STAT2: variants seen among roughly 807,000 people sequenced by gnomAD.
The protein encoded by STAT2 is interferon alpha induced transcriptional activator.
In STAT2, 51 loss-of-function variants were observed where a neutral mutation model predicts 122.3. The ratio of observed to expected loss-of-function variants is 0.42; its 90% CI spans 0.33 to 0.53. STAT2 has a LOEUF of 0.53. Ranked by LOEUF, STAT2 falls within the 20% of genes least tolerant of loss-of-function variation. The pLI, the probability that STAT2 is intolerant of heterozygous loss-of-function variation, is 0.10. For missense variants in STAT2, 736 were observed against 1,010.3 expected, an observed-to-expected ratio of 0.73 and a Z score of 3.68; for synonymous variants, 351 against 394.9, an observed-to-expected ratio of 0.89 and a Z score of 1.32.
intron 7 of STAT2, 67 bp downstream of exon 7, chr12:56,354,711 C>G: frequency 6.2e-7 from 1 of 1,612,976 alleles, no homozygotes; most frequent in East Asian, 2.2e-5. Context: ...GCTAGAGGAC[C>G]AGGGTCCCCA....
In STAT2 at chr12:56,360,086, C is replaced by T. The variant is rs2066813; in HGVS notation, c.-36G>A. 5,820 of 985,416 alleles carry T rather than the reference C, an allele frequency of 5.9e-3. 29 individuals are homozygous for T. Among genetic ancestry groups the T allele is most frequent in the Non-Finnish European group, 6.8e-3 (5,620 of 829,964 alleles). 61.0% of individuals were successfully genotyped at this position (985,416 alleles called of 1,614,324 possible). ...ATTAGGGTTGCAGTCCCCGCGCCCT[C>T]CAATGGCTCTGGTCGCGACTTCCCG... is the stretch of plus-strand genomic sequence containing the variant. On this transcript the variant is annotated 5_prime_UTR_variant, in exon 1 of 24. Coordinates refer to ENST00000314128, the MANE Select transcript of STAT2 (RefSeq NM_005419.4).
intron 8 of STAT2, 87 bp downstream of exon 8, chr12:56,354,379 G>A: frequency 1.3e-6 from 2 of 1,582,484 alleles, no homozygotes; most frequent in Non-Finnish European, 1.7e-6. Context: ...GACAAATAGA[G>A]AACAGTATCT....
rs1555171735 is a variant in STAT2, at chr12:56,354,629, A to C, written c.634-15T>G. On this transcript the variant is annotated splice_polypyrimidine_tract_variant and intron_variant, in intron 7 of 23. Coordinates refer to ENST00000314128, the MANE Select transcript of STAT2 (RefSeq NM_005419.4). ...TCCAGCACCTCCTGGGAAAGAGATA[A>C]TGTGAGTGTTGAGCATCTCTCCCTT... 2 of 1,614,080 alleles carry C rather than the reference A, an allele frequency of 1.2e-6. No homozygotes were observed. The highest frequency in any genetic ancestry group is 2.2e-5 in the South Asian group (2 of 91,088).
At chr12:56,346,085 C>G (rs147742766) in intron 22 of STAT2, 61 bp downstream of exon 22, 2 of 1,612,382 alleles carry the variant, frequency 1.2e-6, no homozygotes, top group South Asian at 1.1e-5. Flanking sequence ...CCCCTTTTGA[C>G]GATTCACTGA....
At chr12:56,350,484 A>G (rs1565653490) in intron 11 of STAT2, 52 bp from the exon 12 acceptor site, 7 of 1,540,316 alleles carry the variant, frequency 4.5e-6, no homozygotes, top group Non-Finnish European at 6.1e-6. Flanking sequence ...TATGGAAGTT[A>G]GGAGTTTCGT....
At chr12:56,343,692 TA>T in intron 23 of STAT2, 132 bp downstream of exon 23, 9 of 1,529,786 alleles carry the variant, frequency 5.9e-6, no homozygotes, top group Admixed American at 2.0e-5. Context: ...GTGTAATTCC[TA>T]AAAAAAGGAA....
At chr12:56,347,037 A>T (rs1565649548) in intron 19 of STAT2, 82 bp from the exon 20 acceptor site, 1 of 1,561,220 alleles carries the variant, frequency 6.4e-7, no homozygotes, top group Non-Finnish European at 8.7e-7. Context: ...CCTTGTATGG[A>T]GAAACAGCCC....
At chr12:56,355,608 G>A in intron 4 of STAT2, 76 bp from the exon 5 acceptor site, 1 of 1,596,988 alleles carries the variant, frequency 6.3e-7, no homozygotes, top group Non-Finnish European at 8.6e-7. Flanking sequence ...TTATACCACA[G>A]GATGTCGGGG....
intron 1 of STAT2, 47 bp from the exon 2 acceptor site, chr12:56,356,625 A>G (rs529221019): frequency 6.2e-7 from 1 of 1,603,338 alleles, no homozygotes; most frequent in South Asian, 1.1e-5. Context: ...TTGCTGGACT[A>G]AATCATCCAT....
chr12:56,352,760 C>A (rs1361565275), intron 8 of STAT2, among the ~76,000 whole-genome samples: 1 of 151,336 alleles, frequency 6.6e-6, no homozygotes, highest in Non-Finnish European at 1.5e-5. Context: ...TGACATCAAA[C>A]TCCTGGACTC....
chr12:56,354,496 A>G lies in STAT2; in HGVS notation c.752T>C (p.Ile251Thr), dbSNP rs1879203712. 6.2e-7 allele frequency: 1 copy of G among 1,614,074 alleles called. No individual in the cohort carries two copies. The highest frequency in any genetic ancestry group is 8.5e-7 in the Non-Finnish European group (1 of 1,180,034). Residue 251 changes from isoleucine to threonine, a missense_variant, in exon 8 of 24, where the codon ATT (isoleucine) becomes ACT (threonine). Ile to Thr is a moderately conservative substitution (Grantham distance 89, BLOSUM62 -1). Transcript: ENST00000314128. The stretch of plus-strand genomic sequence containing the variant: ...CTCCAGCTGTTCCAACCCGTGGTCA[A>G]TGGGAGCTCTGATGCAGGCTTTTTG... ...QQQKACIRAPIDHGLEQLETW... is the reference protein window; with the variant it reads ...QQQKACIRAPTDHGLEQLETW...
rs1227283689 is a variant in STAT2, at chr12:56,354,011, AAAAAAATATATAT to A, written c.782+442_782+454del. ...ACTCCGTCTCAAAAAAAAAAAAAAA[AAAAAAATATATAT>A]ATATATATATATATATAAAAAATAC... On this transcript the variant is annotated intron_variant, in intron 8 of 23. Transcript: ENST00000314128. Among the ~76,000 whole-genome samples the A allele has an allele frequency of 3.6e-5, 2 of 55,936 alleles. 1 individual carries two copies. The highest frequency in any genetic ancestry group is 5.0e-4 in the Admixed American group (2 of 3,964). The allele number at this position is 55,936 out of a possible 152,430, so 36.7% of individuals were successfully genotyped here.
Position 56,349,063 on chromosome 12 carries a change from C to T in STAT2, c.1441-4G>A, listed in dbSNP as rs779831374. On this transcript the variant is annotated splice_region_variant and splice_polypyrimidine_tract_variant and intron_variant, in intron 16 of 23. Coordinates refer to ENST00000314128, the MANE Select transcript of STAT2 (RefSeq NM_005419.4). ...GGTTGGAGAAGAACTGCTGGTTCTG[C>T]AGGGGTGGGAGCAGTGTAGGCTGGC... 1.2e-6 allele frequency: 2 copies of T among 1,612,860 alleles called. No homozygotes were observed. The highest frequency in any genetic ancestry group is 1.1e-5 in the South Asian group (1 of 90,970).
intron 22 of STAT2, 43 bp downstream of exon 22, chr12:56,346,103 C>G: frequency 6.2e-7 from 1 of 1,612,584 alleles, no homozygotes; most frequent in Non-Finnish European, 8.5e-7. Context: ...TGAAGCAGAG[C>G]CAAAAAGGAT....
intron 19 of STAT2, among the ~76,000 whole-genome samples, chr12:56,347,715 T>G (rs1233317855): frequency 6.6e-6 from 1 of 152,080 alleles, no homozygotes; most frequent in African/African-American, 2.4e-5. Context: ...TTGGCCAGGC[T>G]GGTCTCAAAC....
rs533318442 is a variant in STAT2, at chr12:56,350,457, A to C, written c.1095-25T>G. 4.8e-5 allele frequency: 76 copies of C among 1,591,514 alleles called. No homozygotes were observed. The South Asian group carries it at 7.7e-4, about 16-fold the overall frequency. On this transcript the variant is annotated intron_variant, in intron 11 of 23. Transcript: ENST00000314128. ...CCTGAAAAGAAATAAATTTAAAAAA[A>C]TCATTGGGCAAAAGAGTATGGAAGT...
chr12:56,343,112 C>A lies in STAT2; in HGVS notation c.*277G>T. On this transcript the variant is annotated 3_prime_UTR_variant, in exon 24 of 24. Coordinates refer to ENST00000314128, the MANE Select transcript of STAT2 (RefSeq NM_005419.4). ...TCCAAGTACCTGTCAACTGCCCTGG[C>A]CTGCCCCCAGGACCCCTATACCTCC... is the stretch of plus-strand genomic sequence containing the variant. 2.8e-6 allele frequency: 1 copy of A among 352,838 alleles called. No individual in the cohort carries two copies. The highest frequency in any genetic ancestry group is 5.1e-6 in the Non-Finnish European group (1 of 195,192). The allele number at this position is 352,838 out of a possible 1,614,324, so 21.9% of individuals were successfully genotyped here. A position where few individuals can be genotyped will look rare whatever the true frequency, so the allele number is the denominator to read the frequency against.
intron 1 of STAT2, 65 bp downstream of exon 1, chr12:56,359,993 T>A: frequency 1.0e-6 from 1 of 969,518 alleles, no homozygotes; most frequent in Non-Finnish European, 1.2e-6. Context: ...CAGTCGCCCT[T>A]CCCTCGGAGG....
At chr12:56,351,607 A>T (rs1455597303) in intron 8 of STAT2, among the ~76,000 whole-genome samples, 157 bp from the exon 9 acceptor site, 1 of 152,216 alleles carries the variant, frequency 6.6e-6, no homozygotes, top group African/African-American at 2.4e-5. Flanking sequence ...ATTCAACATG[A>T]TTCATAATCC....
Sources: gnomAD v4.1 joint callset for allele counts (sites outside exome capture counted in the v4.1 genomes callset) on GRCh38, gnomAD v4.1.1 for gene constraint, MANE v1.5 for transcripts, NCBI Gene and HGNC (gene_info 2026-07-23, HGNC 2026-07-21) for gene names.